JAZF1: variants seen among roughly 807,000 people sequenced by gnomAD.
JAZF1 encodes the protein JAZF zinc finger 1, also known as juxtaposed with another zinc finger protein 1.
Under a neutral mutation model 26.4 loss-of-function variants are expected in JAZF1, and 8 were observed. The ratio of observed to expected loss-of-function variants is 0.30; its 90% CI spans 0.18 to 0.55. The LOEUF (loss-of-function observed/expected upper bound fraction) is 0.55, where lower values mean the gene tolerates loss of function less well. Among genes scored for constraint, JAZF1 ranks in the 20% least tolerant of loss-of-function variants. The pLI is 0.94. For missense variants in JAZF1, 199 were observed against 322.0 expected (o/e 0.62, Z 2.92); for synonymous variants, 126 against 122.3 (o/e 1.03, Z -0.20).
chr7:27,873,093 G>A (rs1010345185), intron 3 of JAZF1, among the ~76,000 whole-genome samples: 16 of 152,268 alleles, frequency 1.1e-4, no homozygotes, highest in Middle Eastern at 3.4e-3. Context: ...GGATTTGTGC[G>A]TTATGCATGA....
chr7:27,891,932 T>C (rs1376990886), intron 3 of JAZF1, among the ~76,000 whole-genome samples: 1 of 152,204 alleles, frequency 6.6e-6, no homozygotes, highest in African/African-American at 2.4e-5. Context: ...GAGCTCTAAT[T>C]CAGTATTGTC....
intron 2 of JAZF1, among the ~76,000 whole-genome samples, chr7:27,948,993 C>T (rs1562537771): frequency 6.6e-6 from 1 of 152,214 alleles, no homozygotes; most frequent in Non-Finnish European, 1.5e-5. Flanking sequence ...CACCCACAAA[C>T]TCACAAGGCT....
intron 1 of JAZF1, among the ~76,000 whole-genome samples, chr7:28,033,190 A>G (rs935955852): frequency 6.6e-6 from 1 of 152,210 alleles, no homozygotes; most frequent in Non-Finnish European, 1.5e-5. Context: ...TCAAGTGAAA[A>G]TAAGGAGACT....
chr7:27,866,250 C>A (rs1168151587), intron 3 of JAZF1, among the ~76,000 whole-genome samples: 2 of 152,196 alleles, frequency 1.3e-5, no homozygotes, highest in Non-Finnish European at 2.9e-5. Context: ...ATGAAAGGAG[C>A]CACAATGATG....
chr7:28,051,131 CAAAAAAAAAAAAAAA>C (rs775277755), intron 1 of JAZF1, among the ~76,000 whole-genome samples: 10 of 96,566 alleles, frequency 1.0e-4, no homozygotes, highest in Non-Finnish European at 1.8e-4. Flanking sequence ...GACTCCATCT[CAAAAAAAAAAAAAAA>C]AAAAAAAAAA....
rs1782683449 is a variant in JAZF1, at chr7:27,831,106, A to G, written c.*1694T>C. 4.5e-6 allele frequency: 1 copy of G among 223,924 alleles called. No homozygotes were observed. The highest frequency in any genetic ancestry group is 8.9e-6 in the Non-Finnish European group (1 of 112,040). The allele number at this position is 223,924 out of a possible 1,614,324, so 13.9% of individuals were successfully genotyped here. On this transcript the variant is annotated 3_prime_UTR_variant, in exon 5 of 5. Coordinates refer to ENST00000283928, the MANE Select transcript of JAZF1 (RefSeq NM_175061.4). The stretch of plus-strand genomic sequence containing the variant: ...GGATCACCCTTTTAAACATAGGATA[A>G]CACTGTATATTCAGGACCAAGACCA...
At chr7:28,026,880 G>A (rs574539405) in intron 1 of JAZF1, among the ~76,000 whole-genome samples, 1 of 152,206 alleles carries the variant, frequency 6.6e-6, no homozygotes, top group African/African-American at 2.4e-5. Context: ...TTACTGCACC[G>A]CTTACCTCAG....
intron 1 of JAZF1, among the ~76,000 whole-genome samples, chr7:28,047,323 T>A (rs34711500): frequency 0.011 from 1,626 of 152,244 alleles, 16 homozygotes; most frequent in Middle Eastern, 0.037. Flanking sequence ...TTTTGCTTAC[T>A]TATTCTCCTG....
At chr7:28,142,021 C>T (rs1451939528) in intron 1 of JAZF1, among the ~76,000 whole-genome samples, 1 of 152,058 alleles carries the variant, frequency 6.6e-6, no homozygotes, top group Non-Finnish European at 1.5e-5. Flanking sequence ...TCATTAGAAA[C>T]AATGAGGCAG....
chr7:28,027,598 G>A lies in JAZF1; in HGVS notation c.116-35617C>T, dbSNP rs867118258. ...AGAAATGGGAACGTGGGTTGGGAGAGTGGGGAGAGCACTCTCATCTCAGAA... is the reference window on the plus strand; with the variant it reads ...AGAAATGGGAACGTGGGTTGGGAGAATGGGGAGAGCACTCTCATCTCAGAA... On this transcript the variant is annotated intron_variant, in intron 1 of 4. Coordinates refer to ENST00000283928, the MANE Select transcript of JAZF1 (RefSeq NM_175061.4). Among the ~76,000 whole-genome samples the A allele has an allele frequency of 2.0e-5, 3 of 152,246 alleles. No homozygotes were observed. The South Asian group carries it at 6.2e-4, about 32-fold the overall frequency.
At chr7:27,985,010 C>T (rs38511) in intron 2 of JAZF1, among the ~76,000 whole-genome samples, 122,637 of 152,158 alleles carry the variant, frequency 0.81, 50,036 homozygotes, top group African/African-American at 0.92. Flanking sequence ...AGGAAAGATC[C>T]AAAATTGACA....
intron 1 of JAZF1, among the ~76,000 whole-genome samples, chr7:28,170,337 A>ATGTGTGTGTGTGTGTGTGTGTG (rs61200785): frequency 1.4e-4 from 14 of 98,470 alleles, no homozygotes; most frequent in Non-Finnish European, 2.6e-4. Context: ...AGAAGTTGAT[A>ATGTGTGTGTGTGTGTGTGTGTG]TGTGTGTGTG....
At chr7:28,078,802 C>T (rs141372515) in intron 1 of JAZF1, among the ~76,000 whole-genome samples, 1 of 152,190 alleles carries the variant, frequency 6.6e-6, no homozygotes, top group East Asian at 1.9e-4. Context: ...TCCTACCTTC[C>T]CTGTTACTTT....
chr7:28,149,272 A>C (rs575403618), intron 1 of JAZF1, among the ~76,000 whole-genome samples: 11 of 152,224 alleles, frequency 7.2e-5, no homozygotes, highest in Non-Finnish European at 1.3e-4. Context: ...CAACAAATGC[A>C]TGAAAAGCCT....
chr7:27,900,638 C>T (rs549560915), intron 2 of JAZF1, among the ~76,000 whole-genome samples: 19 of 152,168 alleles, frequency 1.2e-4, no homozygotes, highest in Non-Finnish European at 2.2e-4. Context: ...GCATTTGAAC[C>T]GGGCTTCTTG....
intron 2 of JAZF1, among the ~76,000 whole-genome samples, chr7:27,907,322 A>G (rs1784276564): frequency 6.6e-6 from 1 of 152,198 alleles, no homozygotes; most frequent in Non-Finnish European, 1.5e-5. Flanking sequence ...ATATGTTAGG[A>G]GACCACTCAG....
At chr7:28,119,656 G>A (rs1178841826) in intron 1 of JAZF1, among the ~76,000 whole-genome samples, 1 of 152,038 alleles carries the variant, frequency 6.6e-6, no homozygotes, top group Non-Finnish European at 1.5e-5. Flanking sequence ...TTTCCTAAAT[G>A]GTACTTTCTC....
chr7:27,902,783 G>A (rs940419751), intron 2 of JAZF1, among the ~76,000 whole-genome samples: 5 of 152,148 alleles, frequency 3.3e-5, no homozygotes, highest in African/African-American at 1.2e-4. Context: ...TTGGGAGGCC[G>A]AGATGGGCAG....
intron 1 of JAZF1, among the ~76,000 whole-genome samples, chr7:28,077,578 C>CA (rs11393261): frequency 0.086 from 12,959 of 150,904 alleles, 1,904 homozygotes; most frequent in African/African-American, 0.3. Flanking sequence ...ACCTTAACTA[C>CA]AAAAAAAAGT....
Sources: allele counts gnomAD v4.1 joint callset (sites outside exome capture counted in the v4.1 genomes callset), GRCh38; gene constraint gnomAD v4.1.1; transcripts MANE v1.5; gene names NCBI Gene and HGNC (gene_info 2026-07-23, HGNC 2026-07-21).